SSBP4: variants seen among roughly 807,000 people sequenced by gnomAD.
The protein encoded by SSBP4 is single stranded DNA binding protein 4.
SSBP4 carries 33 observed loss-of-function variants against 64.6 expected under a neutral mutation model. The observed-to-expected ratio is 0.51, with a 90% confidence interval of 0.39 to 0.68. The LOEUF (loss-of-function observed/expected upper bound fraction) is 0.68. SSBP4 is among the 30% of genes least tolerant of loss of function. SSBP4 has a pLI of 0.00. For synonymous variants in SSBP4, 243 were observed against 224.0 expected (o/e 1.08, Z -0.76); for missense variants, 583 against 566.8 (o/e 1.03, Z -0.29).
chr19:18,427,640 G>C lies in SSBP4; in HGVS notation c.133-112G>C, dbSNP rs1972953882. On this transcript the variant is annotated intron_variant, in intron 2 of 17. Transcript: ENST00000270061. This position sits in a 1 kb window ranked among gnomAD's most constrained non-coding sequence, Gnocchi z 4.4. ...CATCCTGGGGCCCTCTGCCCACCCT[G>C]TTACCCTTCCCTCCCCACTCCCTCC... The C allele has an allele frequency of 7.4e-7, 1 of 1,344,962 alleles. No individual in the cohort carries two copies. The highest frequency in any genetic ancestry group is 1.4e-5 in the South Asian group (1 of 70,268). 83.3% of individuals were successfully genotyped at this position (1,344,962 alleles called of 1,614,324 possible).
At chr19:18,412,571 C>T in the SSBP4 span, among the ~76,000 whole-genome samples, 1 of 151,978 alleles carries the variant, frequency 6.6e-6, no homozygotes. Context: ...GCCTCCACTC[C>T]CTGATTTGTG....
intron 1 of SSBP4, among the ~76,000 whole-genome samples, chr19:18,424,432 G>A (rs778965066): frequency 2.0e-5 from 3 of 152,136 alleles, no homozygotes; most frequent in African/African-American, 7.2e-5. Context: ...TGGAGGAGAC[G>A]GAGCAGGGTG....
At position 18,419,695 on chromosome 19, in the gene SSBP4, A is replaced by G; in HGVS notation, c.47A>G (p.Gln16Arg). The change falls in exon 1 of 18, where the codon CAG (glutamine) becomes CGG (arginine). Residue 16 changes from glutamine (Q) to arginine (R), a missense_variant. Transcript: ENST00000270061. ...GGTTCGGCCGTGCCCTCCGACAGCC[A>G]GGCCCGCGAGAAGTGAGTGCGGGGC... Reference protein sequence around the residue: ...GKGSAVPSDSQAREKLALYVY... With the variant: ...GKGSAVPSDSRAREKLALYVY... 1 of 1,182,290 alleles carries G rather than the reference A, an allele frequency of 8.5e-7. No homozygotes were observed. Among genetic ancestry groups the G allele is most frequent in the Non-Finnish European group, 1.0e-6 (1 of 954,164 alleles). 73.2% of individuals were successfully genotyped at this position (1,182,290 alleles called of 1,614,324 possible). A position where few individuals can be genotyped will look rare whatever the true frequency, so the allele number is the denominator to read the frequency against.
At position 18,419,722 on chromosome 19, in the gene SSBP4, G is replaced by A; in HGVS notation, c.59+15G>A. 2 of 1,145,532 alleles carry A rather than the reference G, an allele frequency of 1.7e-6. No homozygotes were observed. Among genetic ancestry groups the A allele is most frequent in the Non-Finnish European group, 2.1e-6 (2 of 931,314 alleles). 71.0% of individuals were successfully genotyped at this position (1,145,532 alleles called of 1,614,324 possible). A position where few individuals can be genotyped will look rare whatever the true frequency, so the allele number is the denominator to read the frequency against. On this transcript the variant is annotated intron_variant, in intron 1 of 17. Coordinates refer to ENST00000270061, the MANE Select transcript of SSBP4 (RefSeq NM_032627.5). ...GCCCGCGAGAAGTGAGTGCGGGGCCGGGGGCGGGGCTCGGCGTCCGCGCTC... is the reference window on the plus strand; with the variant it reads ...GCCCGCGAGAAGTGAGTGCGGGGCCAGGGGCGGGGCTCGGCGTCCGCGCTC...
chr19:18,411,240 CTCA>C, the SSBP4 span, among the ~76,000 whole-genome samples: 1 of 152,172 alleles, frequency 6.6e-6, no homozygotes, highest in Non-Finnish European at 1.5e-5. Flanking sequence ...CGCCTGTAAT[CTCA>C]ACACTTTGGG....
upstream of SSBP4, among the ~76,000 whole-genome samples, chr19:18,416,314 C>T (rs955451863): frequency 2.0e-5 from 3 of 152,102 alleles, no homozygotes; most frequent in African/African-American, 7.2e-5. Context: ...CGCGCCCGGC[C>T]GGTTTTTTTA....
chr19:18,434,348 G>GC lies in SSBP4; in HGVS notation c.*104dup. On this transcript the variant is annotated 3_prime_UTR_variant, in exon 18 of 18. Transcript: ENST00000270061. Reference sequence around the variant, plus strand: ...CACACCTCGGGCACCTGGACTCCTGGCCAATCAAGGCTTGCCCAGCTGGGA... The same window carrying GC: ...CACACCTCGGGCACCTGGACTCCTGGCCCAATCAAGGCTTGCCCAGCTGGGA... 1 of 1,524,012 alleles carries GC rather than the reference G, an allele frequency of 6.6e-7. No individual in the cohort carries two copies. Among genetic ancestry groups the GC allele is most frequent in the South Asian group, 1.2e-5 (1 of 81,206 alleles). 94.4% of individuals were successfully genotyped at this position (1,524,012 alleles called of 1,614,324 possible). A position where few individuals can be genotyped will look rare whatever the true frequency, so the allele number is the denominator to read the frequency against.
chr19:18,434,402 T>C lies in SSBP4; in HGVS notation c.*156T>C. 1 of 1,334,448 alleles carries C rather than the reference T, an allele frequency of 7.5e-7. No individual in the cohort carries two copies. The highest frequency in any genetic ancestry group is 9.8e-7 in the Non-Finnish European group (1 of 1,019,526). The allele number at this position is 1,334,448 out of a possible 1,614,324, so 82.7% of individuals were successfully genotyped here. ...CCCACACGAAAGACTCTTACCATTTTATTAAAAACGCAAGGACCTCAGAGA... is the reference window on the plus strand; with the variant it reads ...CCCACACGAAAGACTCTTACCATTTCATTAAAAACGCAAGGACCTCAGAGA... On this transcript the variant is annotated 3_prime_UTR_variant, in exon 18 of 18. Transcript: ENST00000270061.
At chr19:18,431,551 G>A (rs910644163) in intron 6 of SSBP4, 96 bp from the exon 7 acceptor site, 163 of 1,466,436 alleles carry the variant, frequency 1.1e-4, no homozygotes, top group Middle Eastern at 9.4e-4. Context: ...TGGAGGAGGG[G>A]GCTCCCCAGG....
At chr19:18,410,252 T>A in the SSBP4 span, among the ~76,000 whole-genome samples, 2 of 152,078 alleles carry the variant, frequency 1.3e-5, no homozygotes, top group South Asian at 2.1e-4. Flanking sequence ...CGCCTCGACC[T>A]CCCAAAGTGC....
upstream of SSBP4, among the ~76,000 whole-genome samples, chr19:18,414,705 T>G (rs1369344579): frequency 6.6e-6 from 1 of 152,092 alleles, no homozygotes; most frequent in African/African-American, 2.4e-5. Flanking sequence ...AGGACGGACG[T>G]GGGGGTGTGA....
At chr19:18,412,658 C>T in the SSBP4 span, among the ~76,000 whole-genome samples, 1 of 152,178 alleles carries the variant, frequency 6.6e-6, no homozygotes, top group South Asian at 2.1e-4. Context: ...TCTCACACGA[C>T]ACCCTTGATG....
At chr19:18,414,951 A>G (rs1163599884), upstream of SSBP4, among the ~76,000 whole-genome samples, 1 of 152,098 alleles carries the variant, frequency 6.6e-6, no homozygotes, top group Non-Finnish European at 1.5e-5. Context: ...CTTGGGGTAT[A>G]ATCCCCATTT....
Position 18,431,386 on chromosome 19 carries a change from C to A in SSBP4, c.403C>A (p.Pro135Thr). ...PPGSQPSPHN[P>T]NAPMMGPHGQ... ...CGGCTCCCAGCCGTCCCCCCACAAC[C>A]CCAACGCCCCCATGATGGGGCCTCA... The change falls in exon 6 of 18, where the codon CCC becomes ACC. Residue 135 changes from proline to threonine, a missense_variant. Physicochemically the swap from Pro to Thr is conservative, Grantham distance 38. Transcript: ENST00000270061. The A allele has an allele frequency of 1.3e-6, 2 of 1,484,606 alleles. No homozygotes were observed. Among genetic ancestry groups the A allele is most frequent in the Admixed American group, 2.3e-5 (1 of 43,288 alleles). 92.0% of individuals were successfully genotyped at this position (1,484,606 alleles called of 1,614,324 possible).
the SSBP4 span, among the ~76,000 whole-genome samples, chr19:18,404,423 G>A: frequency 4.6e-5 from 7 of 151,606 alleles, no homozygotes; most frequent in African/African-American, 1.5e-4. Flanking sequence ...GTGAAACCCC[G>A]CCTCTACTAA....
rs766324564 is a variant in SSBP4, at chr19:18,432,187, C to G, written c.677C>G (p.Ala226Gly). ...ATGCGACCCCCACCCAACTCCCTCG[C>G]CGGCCCAGGCCTGCCTGCCATGAAC... ...GGMRPPPNSL[A>G]GPGLPAMNMG... is the part of the protein sequence containing the mutation. Residue 226 changes from alanine (A) to glycine (G), a missense_variant, in exon 10 of 18, where the codon GCC (alanine) becomes GGC (glycine). Physicochemically the swap from Ala to Gly is moderately conservative, Grantham distance 60. Coordinates refer to ENST00000270061, the MANE Select transcript of SSBP4 (RefSeq NM_032627.5). The G allele has an allele frequency of 1.9e-6, 3 of 1,613,034 alleles. No individual in the cohort carries two copies. The highest frequency in any genetic ancestry group is 8.5e-7 in the Non-Finnish European group (1 of 1,179,994).
intron 17 of SSBP4, 26 bp from the exon 18 acceptor site, chr19:18,434,191 C>A: frequency 6.2e-7 from 1 of 1,609,952 alleles, no homozygotes. Context: ...TCGGCCCCTG[C>A]GCGCTGCCCC....
chr19:18,419,094 G>A (rs1301120159), upstream of SSBP4: 6 of 985,434 alleles, frequency 6.1e-6, no homozygotes, highest in African/African-American at 1.7e-5. Context: ...GTTGAGTGTC[G>A]CTGCGAATGT....
chr19:18,427,677 T>G lies in SSBP4; in HGVS notation c.133-75T>G, dbSNP rs564900490. The G allele has an allele frequency of 5.1e-5, 75 of 1,482,350 alleles. No individual in the cohort carries two copies. The highest frequency in any genetic ancestry group is 1.6e-4 in the Admixed American group (8 of 48,768). The allele number at this position is 1,482,350 out of a possible 1,614,324, so 91.8% of individuals were successfully genotyped here. On this transcript the variant is annotated intron_variant, in intron 2 of 17. Coordinates refer to ENST00000270061, the MANE Select transcript of SSBP4 (RefSeq NM_032627.5). This position sits in a 1 kb window ranked among gnomAD's most constrained non-coding sequence, Gnocchi z 4.4. ...TCCCCACTCCCTCCCTGCCCAGATG[T>G]TCTCTGGGCACCCTGCTGGGTGGTG...
Sources: gnomAD v4.1 joint callset for allele counts (sites outside exome capture counted in the v4.1 genomes callset) on GRCh38, gnomAD v4.1.1 for gene constraint, Gnocchi (gnomAD v3.1) non-coding constraint, MANE v1.5 for transcripts, NCBI Gene and HGNC (gene_info 2026-07-23, HGNC 2026-07-21) for gene names.